GON4L: variants seen among roughly 807,000 people sequenced by gnomAD.
GON4L encodes gon-4 like.
A neutral mutation model predicts 211.8 loss-of-function variants in GON4L; 87 were observed. That is an observed-to-expected ratio of 0.41 (90% CI 0.35 to 0.49). GON4L has a LOEUF of 0.49. GON4L is among the 20% of genes least tolerant of loss of function. The pLI, the probability that GON4L is intolerant of heterozygous loss-of-function variation, is 0.15. For synonymous variants in GON4L, 875 were observed against 962.6 expected (o/e 0.91, Z 1.68); for missense variants, 2,155 against 2,659.5 (o/e 0.81, Z 4.17).
intron 19 of GON4L, among the ~76,000 whole-genome samples, chr1:155,769,560 C>T (rs1662956093): frequency 1.3e-5 from 2 of 151,930 alleles, no homozygotes; most frequent in African/African-American, 4.8e-5. Flanking sequence ...AGGCCAGACA[C>T]GCTGAAAGGA....
At chr1:155,762,918 C>G (rs1661984168) in intron 22 of GON4L, among the ~76,000 whole-genome samples, 1 of 152,044 alleles carries the variant, frequency 6.6e-6, no homozygotes, top group Non-Finnish European at 1.5e-5. Flanking sequence ...TGCCTGTAAT[C>G]CCAGCTACTC....
rs201235180 is a variant in GON4L, at chr1:155,752,120, C to T, written c.6313G>A (p.Glu2105Lys). The change falls in exon 30 of 32, where the codon GAG becomes AAG. Residue 2105 changes from glutamate (E) to lysine (K), a missense_variant. By Grantham distance (56) the Glu-to-Lys change is moderately conservative (BLOSUM62 1). This residue lies in a region of GON4L where 186 missense variants were observed against 308.1 expected (regional missense o/e 0.60). Transcript: ENST00000368331. ...CCTCTAGGGGCTTTGGGAGAAGTCT[C>T]TGAGGTGTCAATTCCTGATGGAGAT... ...HESPSGIDTS[E>K]TSPKAPRGGL... 6,439 of 1,613,534 alleles carry T rather than the reference C, an allele frequency of 4.0e-3. 63 individuals are homozygous for T. The highest frequency in any genetic ancestry group is 0.023 in the South Asian group (2,110 of 91,072).
intron 2 of GON4L, among the ~76,000 whole-genome samples, chr1:155,848,813 C>G (rs1219657065): frequency 6.6e-6 from 1 of 152,142 alleles, no homozygotes; most frequent in African/African-American, 2.4e-5. Flanking sequence ...AGTTAAACAT[C>G]AAAATGTGTT....
At chr1:155,762,941 C>G (rs1661986993) in intron 22 of GON4L, among the ~76,000 whole-genome samples, 1 of 151,848 alleles carries the variant, frequency 6.6e-6, no homozygotes, top group South Asian at 2.1e-4. Flanking sequence ...GAGGGTGAGG[C>G]AGGAGAATCG....
chr1:155,747,096 G>C, downstream of GON4L: 1 of 1,606,356 alleles, frequency 6.2e-7, no homozygotes, highest in South Asian at 1.1e-5. Context: ...AAACTGCCTG[G>C]AACTAAATGT....
chr1:155,778,280 C>T (rs971329175), intron 14 of GON4L, among the ~76,000 whole-genome samples: 11 of 152,182 alleles, frequency 7.2e-5, no homozygotes, highest in African/African-American at 2.6e-4. Flanking sequence ...GAGACACAGT[C>T]TCGCTCTGTC....
Position 155,765,323 on chromosome 1 carries a change from T to C in GON4L, c.4150A>G (p.Ser1384Gly). 1 of 1,614,174 alleles carries C rather than the reference T, an allele frequency of 6.2e-7. No homozygotes were observed. Among genetic ancestry groups the C allele is most frequent in the Non-Finnish European group, 8.5e-7 (1 of 1,180,026 alleles). ...QTVLQKEEER[S>G]QPTKTPSSSQ... Reference sequence around the variant, plus strand: ...GATGAAGGGGTTTTAGTTGGCTGACTCCTCTCCTCTTCCTTCTGTAAGACT... The same window carrying C: ...GATGAAGGGGTTTTAGTTGGCTGACCCCTCTCCTCTTCCTTCTGTAAGACT... Residue 1384 changes from serine to glycine, a missense_variant, in exon 21 of 32, where the codon AGT becomes GGT. Transcript: ENST00000368331.
At chr1:155,785,141 T>G in intron 13 of GON4L, 193 bp downstream of exon 13, 1 of 683,336 alleles carries the variant, frequency 1.5e-6, no homozygotes, top group Non-Finnish European at 2.7e-6. Flanking sequence ...AAGAACAACA[T>G]ACATGTATAT....
At chr1:155,806,372 A>C (rs1443093159) in intron 10 of GON4L, among the ~76,000 whole-genome samples, 1 of 150,912 alleles carries the variant, frequency 6.6e-6, no homozygotes, top group African/African-American at 2.4e-5. Flanking sequence ...TGAATTCCTG[A>C]CCTCAGGTGA....
intron 14 of GON4L, among the ~76,000 whole-genome samples, chr1:155,783,769 T>C (rs1664649927): frequency 6.6e-6 from 1 of 152,128 alleles, no homozygotes; most frequent in Non-Finnish European, 1.5e-5. Context: ...GCTACTGTTT[T>C]TTCTCCCTTC....
intron 10 of GON4L, among the ~76,000 whole-genome samples, chr1:155,810,689 A>G (rs559109208): frequency 7.2e-6 from 1 of 138,570 alleles, no homozygotes; most frequent in African/African-American, 2.8e-5. Flanking sequence ...CCTGGGCGAC[A>G]GAGTGAGACT....
rs771783064 is a variant in GON4L, at chr1:155,765,631, C to T, written c.3842G>A (p.Gly1281Glu). Residue 1281 changes from glycine to glutamate, a missense_variant, in exon 21 of 32, where the codon GGA becomes GAA. Coordinates refer to ENST00000368331, the MANE Select transcript of GON4L (RefSeq NM_001282860.2). ...GCGACAGGCACTATTCTCTGACAAT[C>T]CTTCTTGGCACTCTGCATCTGCTAG... ...PPLADAECQE[G>E]LSENSACRWT... is the part of the protein sequence containing the mutation. 8 of 1,614,196 alleles carry T rather than the reference C, an allele frequency of 5.0e-6. No individual in the cohort carries two copies. The South Asian group carries it at 8.8e-5, about 18-fold the overall frequency.
chr1:155,814,810 T>G (rs938349096), intron 8 of GON4L, among the ~76,000 whole-genome samples: 1 of 151,662 alleles, frequency 6.6e-6, no homozygotes, highest in African/African-American at 2.4e-5. Flanking sequence ...AAAATAAAAT[T>G]TAAATAGAAA....
chr1:155,763,544 A>T lies in GON4L; in HGVS notation c.4494T>A (p.Thr1498=). The change falls in exon 22 of 32, where the codon ACT becomes ACA. Residue 1498 remains threonine (T), a synonymous_variant. Coordinates refer to ENST00000368331, the MANE Select transcript of GON4L (RefSeq NM_001282860.2). ...PELQETMEKL[T]WLASERRMSQ... ...TCATGCGCCTTTCAGATGCCAGCCAAGTCAGTTTCTCCATTGTTTCCTGTA... is the reference window on the plus strand; with the variant it reads ...TCATGCGCCTTTCAGATGCCAGCCATGTCAGTTTCTCCATTGTTTCCTGTA... 1.9e-6 allele frequency: 3 copies of T among 1,547,018 alleles called. No individual in the cohort carries two copies. The highest frequency in any genetic ancestry group is 2.6e-6 in the Non-Finnish European group (3 of 1,146,400).
chr1:155,806,496 T>C (rs1319937004), intron 10 of GON4L, among the ~76,000 whole-genome samples: 3 of 152,076 alleles, frequency 2.0e-5, no homozygotes, highest in Non-Finnish European at 4.4e-5. Flanking sequence ...CTCCCTATGT[T>C]GCCCAGGCAA....
At chr1:155,826,085 C>T (rs1465749944) in intron 3 of GON4L, among the ~76,000 whole-genome samples, 7 of 151,926 alleles carry the variant, frequency 4.6e-5, no homozygotes, top group Admixed American at 3.9e-4. Flanking sequence ...TGACGGCACG[C>T]GCTTATAGTC....
chr1:155,816,766 T>A (rs951035017), intron 6 of GON4L, among the ~76,000 whole-genome samples: 8 of 112,666 alleles, frequency 7.1e-5, no homozygotes, highest in South Asian at 3.4e-4. Context: ...TGGGCTTTTT[T>A]TTTTCTTAAA....
At position 155,766,412 on chromosome 1, in the gene GON4L, T is replaced by G. The variant is rs753950368; in HGVS notation, c.3061A>C (p.Thr1021Pro). The part of the protein sequence containing the change: ...SLQPSFNPGK[T>P]PARSTHSEAP... ...TCTGAATGAGTTGATCGGGCTGGTGTTTTCCCAGGGTTGAAGCTGGGCTGG... is the reference window on the plus strand; with the variant it reads ...TCTGAATGAGTTGATCGGGCTGGTGGTTTCCCAGGGTTGAAGCTGGGCTGG... Residue 1021 changes from threonine to proline, a missense_variant, in exon 21 of 32, where the codon ACA becomes CCA. By Grantham distance (38) the Thr-to-Pro change is conservative. Around this residue, in one of 6 missense-constraint regions of GON4L, gnomAD observed 615 missense variants for 625.7 expected, o/e 0.98. Transcript: ENST00000368331. 4 of 1,613,916 alleles carry G rather than the reference T, an allele frequency of 2.5e-6. No individual in the cohort carries two copies. Among genetic ancestry groups the G allele is most frequent in the Admixed American group, 1.7e-5 (1 of 59,992 alleles).
chr1:155,828,243 C>T (rs766093175), intron 2 of GON4L, among the ~76,000 whole-genome samples: 4 of 152,074 alleles, frequency 2.6e-5, no homozygotes, highest in Non-Finnish European at 5.9e-5. Context: ...AATCTCAGCA[C>T]TATGGAAGGC....
Sources: allele counts gnomAD v4.1 joint callset (sites outside exome capture counted in the v4.1 genomes callset), GRCh38; gene constraint gnomAD v4.1.1; regional missense constraint gnomAD v4.1.1; transcripts MANE v1.5; gene names NCBI Gene and HGNC (gene_info 2026-07-23, HGNC 2026-07-21).